DNAH11: variants seen among roughly 807,000 people sequenced by gnomAD.
The protein encoded by DNAH11 is dynein axonemal heavy chain 11.
A neutral mutation model predicts 526.0 loss-of-function variants in DNAH11; 442 were observed. The observed-to-expected ratio is 0.84, with a 90% confidence interval of 0.78 to 0.91. DNAH11 has a LOEUF of 0.91. Ranked by LOEUF, DNAH11 falls within the 40% of genes least tolerant of loss-of-function variation. DNAH11 has a pLI of 0.00. For missense variants in DNAH11, 6,989 were observed against 5,448.7 expected (o/e 1.28, Z -8.90); for synonymous variants, 2,461 against 1,935.9 (o/e 1.27, Z -7.12).
chr7:21,650,106 C>T (rs1413941288), intron 28 of DNAH11, among the ~76,000 whole-genome samples: 1 of 151,864 alleles, frequency 6.6e-6, no homozygotes, highest in Non-Finnish European at 1.5e-5. Flanking sequence ...TAAAAAAAAC[C>T]CAGCATTTGT....
rs1312394660 is a variant in DNAH11 at position 21,702,702 on chromosome 7, G to A, written c.6181-8G>A. 1 of 1,612,150 alleles carries A rather than the reference G, an allele frequency of 6.2e-7. No individual in the cohort carries two copies. Among genetic ancestry groups the A allele is most frequent in the Non-Finnish European group, 8.5e-7 (1 of 1,178,750 alleles). On this transcript the variant is annotated splice_polypyrimidine_tract_variant and splice_region_variant and intron_variant, in intron 36 of 81. Transcript: ENST00000409508. The stretch of plus-strand genomic sequence containing the variant: ...ATTTTTGAGAAAATAAACCTGTTTT[G>A]ATTTTAGGATCATTACGACTGGGGA...
intron 63 of DNAH11, among the ~76,000 whole-genome samples, chr7:21,810,008 C>A (rs1294169597): frequency 1.3e-5 from 2 of 152,140 alleles, no homozygotes; most frequent in Non-Finnish European, 2.9e-5. Flanking sequence ...TAACTGAAAT[C>A]AAACTCAGAT....
intron 54 of DNAH11, among the ~76,000 whole-genome samples, chr7:21,760,030 T>C (rs1189990618): frequency 6.6e-6 from 1 of 152,190 alleles, no homozygotes; most frequent in East Asian, 1.9e-4. Flanking sequence ...AGAGGCGTTT[T>C]TAACTTTATT....
At chr7:21,687,656 T>C in intron 34 of DNAH11, 129 bp downstream of exon 34, 1 of 1,171,478 alleles carries the variant, frequency 8.5e-7, no homozygotes, top group Non-Finnish European at 1.2e-6. Flanking sequence ...TTCTGGTCGA[T>C]TTGGGGGAAT....
At chr7:21,793,480 G>A (rs7781349) in intron 61 of DNAH11, among the ~76,000 whole-genome samples, 1,773 of 152,294 alleles carry the variant, frequency 0.012, 37 homozygotes, top group African/African-American at 0.04. Context: ...GCTGGGCGTG[G>A]TGGCACGCCC....
At chr7:21,820,797 C>G (rs1404940710) in intron 65 of DNAH11, among the ~76,000 whole-genome samples, 1 of 152,136 alleles carries the variant, frequency 6.6e-6, no homozygotes, top group Non-Finnish European at 1.5e-5. Context: ...ACTAAGGGAC[C>G]ATGCTTTCCT....
chr7:21,688,877 A>T (rs1446875333), intron 34 of DNAH11, among the ~76,000 whole-genome samples: 1 of 152,208 alleles, frequency 6.6e-6, no homozygotes, highest in Non-Finnish European at 1.5e-5. Flanking sequence ...TCTTTGTAAC[A>T]TTTTTATCAA....
At chr7:21,598,557 C>T (rs1313238192) in intron 14 of DNAH11, among the ~76,000 whole-genome samples, 1 of 151,606 alleles carries the variant, frequency 6.6e-6, no homozygotes, top group Non-Finnish European at 1.5e-5. Flanking sequence ...GGGTCTATTC[C>T]ACAGGTTGCT....
rs1782438116 is a variant in DNAH11 at position 21,666,802 on chromosome 7, A to G, written c.5328+7771A>G. ...TATAACAATGTGATCTGATAGCCTT[A>G]TACTTTATAATCTAGCAGTAACTCA... On this transcript the variant is annotated intron_variant, in intron 30 of 81. Coordinates refer to ENST00000409508, the MANE Select transcript of DNAH11 (RefSeq NM_001277115.2). 1.3e-5 allele frequency among the ~76,000 whole-genome samples: 2 copies of G among 151,792 alleles called. 1 individual carries two copies. Among genetic ancestry groups the G allele is most frequent in the South Asian group, 4.2e-4 (2 of 4,796 alleles).
intron 81 of DNAH11, among the ~76,000 whole-genome samples, chr7:21,900,539 G>A (rs1583828528): frequency 7.3e-6 from 1 of 137,494 alleles, no homozygotes; most frequent in Non-Finnish European, 1.7e-5. Flanking sequence ...TCTCTAAGAG[G>A]GGGTTAGACT....
chr7:21,768,420 C>T (rs1229417303), intron 55 of DNAH11, among the ~76,000 whole-genome samples: 1 of 152,136 alleles, frequency 6.6e-6, no homozygotes, highest in South Asian at 2.1e-4. Flanking sequence ...AAAGCAGAGC[C>T]AGATGAAAGG....
rs1447609804 is a variant in DNAH11, at chr7:21,615,270, C to T, written c.4009C>T (p.Arg1337Ter). Residue 1337 changes from arginine (R) to a stop codon, truncating the protein, a stop_gained and splice_region_variant, in exon 21 of 82, where the codon CGA becomes TGA. Coordinates refer to ENST00000409508, the MANE Select transcript of DNAH11 (RefSeq NM_001277115.2). LOFTEE classifies it high-confidence loss of function. ...KGLWDVIIYVRRSIDNWTKTQ... is the reference protein window; with the variant it reads ...KGLWDVIIYV ...ACTGTGGGATGTCATTATTTATGTT[C>T]GAGTAAGATGTGCTTTTTCAAAACA... 7 of 1,609,846 alleles carry T rather than the reference C, an allele frequency of 4.3e-6. No homozygotes were observed. The highest frequency in any genetic ancestry group is 2.7e-5 in the African/African-American group (2 of 74,784).
At chr7:21,567,543 G>T (rs141561738) in intron 6 of DNAH11, among the ~76,000 whole-genome samples, 5 of 152,288 alleles carry the variant, frequency 3.3e-5, no homozygotes, top group African/African-American at 1.2e-4. Flanking sequence ...AAAACTCAGA[G>T]ATCTTGCTAC....
chr7:21,885,030 A>C (rs1053576901), intron 76 of DNAH11, among the ~76,000 whole-genome samples: 2 of 151,908 alleles, frequency 1.3e-5, no homozygotes, highest in African/African-American at 4.8e-5. Context: ...AAAACATCAC[A>C]CTGTGCCCCA....
chr7:21,854,521 A>G, intron 68 of DNAH11, 66 bp downstream of exon 68: 1 of 1,441,620 alleles, frequency 6.9e-7, no homozygotes, highest in Non-Finnish European at 9.5e-7. Flanking sequence ...GGAACATTGG[A>G]ATTTATTTTA....
chr7:21,588,777 G>A, intron 11 of DNAH11, 141 bp downstream of exon 11: 1 of 913,478 alleles, frequency 1.1e-6, no homozygotes, highest in East Asian at 2.6e-5. Flanking sequence ...TGTGGAGAGG[G>A]ATTCATTCCC....
At chr7:21,734,659 G>A (rs893878474) in intron 45 of DNAH11, among the ~76,000 whole-genome samples, 2 of 151,968 alleles carry the variant, frequency 1.3e-5, no homozygotes, top group Non-Finnish European at 2.9e-5. Context: ...AGTTTGAGAC[G>A]AGTCTGGGCA....
intron 68 of DNAH11, among the ~76,000 whole-genome samples, chr7:21,856,094 A>G (rs1782836436): frequency 6.6e-6 from 1 of 152,174 alleles, no homozygotes; most frequent in Non-Finnish European, 1.5e-5. Flanking sequence ...CTGCAGGGTA[A>G]TGAGCAAGGG....
intron 8 of DNAH11, among the ~76,000 whole-genome samples, chr7:21,578,134 A>G (rs1302042972): frequency 1.3e-5 from 2 of 152,192 alleles, no homozygotes; most frequent in East Asian, 1.9e-4. Flanking sequence ...CTTTTAAACC[A>G]TCAGATCTCA....
Sources: gnomAD v4.1 joint callset for allele counts (sites outside exome capture counted in the v4.1 genomes callset) on GRCh38, gnomAD v4.1.1 for gene constraint, MANE v1.5 for transcripts, NCBI Gene and HGNC (gene_info 2026-07-23, HGNC 2026-07-21) for gene names.